The following NR2C2 variants were observed in gnomAD, a reference collection of about 807,000 sequenced individuals.
NR2C2 encodes Nuclear hormone receptor TR4.
In NR2C2, 6 loss-of-function variants were observed where a neutral mutation model predicts 62.9. The observed-to-expected ratio is 0.10, with a 90% CI of 0.05 to 0.19. The LOEUF is 0.19. Ranked by LOEUF, NR2C2 falls within the 10% of genes least tolerant of loss-of-function variation. The probability of loss-of-function intolerance (pLI) is 1.00; values close to 1 mark genes in which losing one functional copy is unlikely to be tolerated. For synonymous variants in NR2C2, 272 were observed against 273.8 expected, an observed-to-expected ratio of 0.99 and a Z score of 0.07; for missense variants, 479 against 762.7, an observed-to-expected ratio of 0.63 and a Z score of 4.38.
chr3:14,958,741 G>A (rs1325732004), intron 1 of NR2C2, among the ~76,000 whole-genome samples: 3 of 152,196 alleles, frequency 2.0e-5, no homozygotes, highest in Non-Finnish European at 4.4e-5. Flanking sequence ...ACTTTGGAAG[G>A]CTGAGGCAGG....
chr3:14,963,389 C>T (rs114612168), intron 1 of NR2C2, among the ~76,000 whole-genome samples: 2,415 of 152,298 alleles, frequency 0.016, 68 homozygotes, highest in African/African-American at 0.054. Flanking sequence ...GACGCAGGTC[C>T]GTTCACCTCC....
In NR2C2 at chr3:15,049,197, C is replaced by T. The variant is rs2042561001; in HGVS notation, c.*6189C>T. On this transcript the variant is annotated 3_prime_UTR_variant, in exon 14 of 14. Coordinates refer to ENST00000425241, the MANE Select transcript of NR2C2 (RefSeq NM_001291694.2). ...TTATGCATTTTATTAAATGCTGTTT[C>T]AATGTGGCATTATTGTTGTGGCTTA... is the stretch of plus-strand genomic sequence containing the variant. 6.6e-6 allele frequency: 1 copy of T among 152,602 alleles called. No homozygotes were observed. The highest frequency in any genetic ancestry group is 2.1e-4 in the South Asian group (1 of 4,834). 9.5% of individuals were successfully genotyped at this position (152,602 alleles called of 1,614,324 possible).
chr3:14,970,630 A>G (rs1035317552), intron 1 of NR2C2, among the ~76,000 whole-genome samples: 2 of 152,196 alleles, frequency 1.3e-5, no homozygotes, highest in African/African-American at 4.8e-5. Flanking sequence ...CCTCAAGGTT[A>G]ATCCATGTTG....
In NR2C2 at chr3:15,024,152, A is replaced by G; in HGVS notation, c.742A>G (p.Ile248Val). The change falls in exon 7 of 14, where the codon ATC becomes GTC. Residue 248 changes from isoleucine to valine, a missense_variant. Ile to Val is a conservative substitution (Grantham distance 29). Transcript: ENST00000425241. ...GLLDPGMLVNIQQPLIREDGT... is the reference protein window; with the variant it reads ...GLLDPGMLVNVQQPLIREDGT... ...TCTTGATCCAGGGATGCTTGTGAAC[A>G]TCCAGCAGCCTTTGATACGTGAGGA... 1 of 1,613,072 alleles carries G rather than the reference A, an allele frequency of 6.2e-7. No individual in the cohort carries two copies. Among genetic ancestry groups the G allele is most frequent in the Non-Finnish European group, 8.5e-7 (1 of 1,179,552 alleles).
chr3:14,949,873 T>G (rs1043659736), intron 1 of NR2C2, among the ~76,000 whole-genome samples: 2 of 152,222 alleles, frequency 1.3e-5, no homozygotes, highest in Non-Finnish European at 2.9e-5. Context: ...GAGATAGAGA[T>G]ATTTATACAC....
intron 3 of NR2C2, among the ~76,000 whole-genome samples, chr3:15,014,676 C>T (rs1311328382): frequency 1.3e-5 from 2 of 152,100 alleles, no homozygotes; most frequent in Non-Finnish European, 2.9e-5. Flanking sequence ...CCCCTGGTGA[C>T]CACCATTCTA....
chr3:15,032,973 C>G (rs942451045), intron 10 of NR2C2, among the ~76,000 whole-genome samples: 20 of 150,030 alleles, frequency 1.3e-4, no homozygotes, highest in Non-Finnish European at 1.5e-4. Context: ...AACCCCCCCC[C>G]CTTTTCTTGC....
chr3:14,982,320 A>G (rs1436693717), intron 1 of NR2C2, among the ~76,000 whole-genome samples: 1 of 152,186 alleles, frequency 6.6e-6, no homozygotes, highest in Non-Finnish European at 1.5e-5. Context: ...GTTGTGAGCC[A>G]CTGTGCCCAT....
intron 1 of NR2C2, chr3:14,948,874 G>T (rs2039244442): frequency 6.6e-6 from 1 of 152,172 alleles, no homozygotes; most frequent in Non-Finnish European, 1.5e-5. Context: ...TAAATGGGGG[G>T]CATGCGCATT....
At chr3:15,020,715 A>C (rs1231140885) in intron 4 of NR2C2, 38 bp from the exon 5 acceptor site, 1 of 1,602,014 alleles carries the variant, frequency 6.2e-7, no homozygotes, top group Non-Finnish European at 8.5e-7. Flanking sequence ...CCACAAATAT[A>C]GTCACAAAAT....
At chr3:14,960,289 C>CA (rs1170103307) in intron 1 of NR2C2, among the ~76,000 whole-genome samples, 1 of 152,134 alleles carries the variant, frequency 6.6e-6, no homozygotes, top group Non-Finnish European at 1.5e-5. Context: ...AACTTATCAA[C>CA]AAAAAATTAA....
At chr3:14,951,867 C>CG (rs2039372970) in intron 1 of NR2C2, among the ~76,000 whole-genome samples, 1 of 152,158 alleles carries the variant, frequency 6.6e-6, no homozygotes, top group Admixed American at 6.5e-5. Context: ...TCTGCCTCCG[C>CG]CTCCCCAGTG....
chr3:14,972,523 T>A (rs2125296446), intron 1 of NR2C2, among the ~76,000 whole-genome samples: 1 of 152,334 alleles, frequency 6.6e-6, no homozygotes, highest in East Asian at 1.9e-4. Context: ...TTGGAGAATG[T>A]CTATTCAAGT....
intron 1 of NR2C2, among the ~76,000 whole-genome samples, chr3:14,963,883 A>G (rs982633982): frequency 6.6e-6 from 1 of 152,218 alleles, no homozygotes. Context: ...TAGATCAACC[A>G]TTAACTGAAA....
intron 1 of NR2C2, among the ~76,000 whole-genome samples, chr3:14,970,735 G>A (rs1417266555): frequency 1.3e-5 from 2 of 152,120 alleles, no homozygotes; most frequent in Admixed American, 6.5e-5. Context: ...TCATCTGTCA[G>A]TGGGCATTTG....
At chr3:15,004,421 G>T in intron 2 of NR2C2, 1 of 752,894 alleles carries the variant, frequency 1.3e-6, no homozygotes, top group South Asian at 3.3e-5. Flanking sequence ...AAGAATCAAA[G>T]GGATATTGCT....
chr3:14,955,885 C>A (rs937704245), intron 1 of NR2C2, among the ~76,000 whole-genome samples: 5 of 152,176 alleles, frequency 3.3e-5, no homozygotes, highest in Middle Eastern at 3.2e-3. Flanking sequence ...TGCTCTGATA[C>A]TATAAATATG....
intron 1 of NR2C2, among the ~76,000 whole-genome samples, chr3:14,955,174 G>A (rs1050675286): frequency 2.6e-5 from 4 of 152,084 alleles, no homozygotes; most frequent in African/African-American, 9.7e-5. Flanking sequence ...TAAGTAAAAA[G>A]TTTTACTTAG....
At chr3:15,003,726 T>C in intron 1 of NR2C2, 150 bp from the exon 2 acceptor site, 4 of 533,690 alleles carry the variant, frequency 7.5e-6, no homozygotes, top group Non-Finnish European at 1.3e-5. Flanking sequence ...ATCTCATTGA[T>C]TGCTTTGTCA....
Sources: allele counts gnomAD v4.1 joint callset (sites outside exome capture counted in the v4.1 genomes callset), GRCh38; gene constraint gnomAD v4.1.1; transcripts MANE v1.5; gene names NCBI Gene and HGNC (gene_info 2026-07-23, HGNC 2026-07-21).